TRIM33: variants seen among roughly 807,000 people sequenced by gnomAD.
TRIM33 encodes E3 ubiquitin-protein ligase TRIM33.
A neutral mutation model predicts 125.4 loss-of-function variants in TRIM33; 20 were observed. The observed-to-expected ratio is 0.16, with a 90% CI of 0.11 to 0.23. The LOEUF (loss-of-function observed/expected upper bound fraction) is 0.23, where lower values mean the gene tolerates loss of function less well. TRIM33 is among the 10% of genes least tolerant of loss of function. The pLI, the probability that TRIM33 is intolerant of heterozygous loss-of-function variation, is 1.00. For missense variants in TRIM33, 920 were observed against 1,411.4 expected (o/e 0.65, Z 5.58); for synonymous variants, 564 against 513.9 (o/e 1.10, Z -1.32).
At chr1:114,487,339 C>CAAA (rs35231757) in intron 1 of TRIM33, among the ~76,000 whole-genome samples, 7 of 58,398 alleles carry the variant, frequency 1.2e-4, no homozygotes, top group African/African-American at 1.9e-4. Context: ...CCATGCAGGC[C>CAAA]AAAAAAAAAA....
intron 1 of TRIM33, among the ~76,000 whole-genome samples, chr1:114,503,043 T>TTA (rs145449072): frequency 0.01 from 1,567 of 152,176 alleles, 24 homozygotes; most frequent in African/African-American, 0.036. Context: ...GAAAAGCAGA[T>TTA]TTTAATACCC....
chr1:114,506,360 G>A (rs1316784738), intron 1 of TRIM33, among the ~76,000 whole-genome samples: 1 of 146,764 alleles, frequency 6.8e-6, no homozygotes, highest in Non-Finnish European at 1.5e-5. Flanking sequence ...TCCAGCCTGG[G>A]TGACAAGAGT....
intron 11 of TRIM33, among the ~76,000 whole-genome samples, chr1:114,416,571 G>GA (rs1652956002): frequency 6.6e-6 from 1 of 152,116 alleles, no homozygotes; most frequent in African/African-American, 2.4e-5. Context: ...TCAAGCCATT[G>GA]CATATACCAT....
intron 15 of TRIM33, chr1:114,404,581 A>G: frequency 6.6e-6 from 1 of 152,174 alleles, no homozygotes; most frequent in East Asian, 1.9e-4. Flanking sequence ...TCAAAGTGCC[A>G]ATGCTTTTCT....
chr1:114,447,473 G>T (rs1003015876), intron 4 of TRIM33, among the ~76,000 whole-genome samples: 8 of 152,150 alleles, frequency 5.3e-5, no homozygotes, highest in Non-Finnish European at 7.3e-5. Context: ...ATCAGTAGTT[G>T]AGTTTTGGAA....
At chr1:114,398,702 C>T (rs1334747247) in intron 18 of TRIM33, among the ~76,000 whole-genome samples, 2 of 151,850 alleles carry the variant, frequency 1.3e-5, no homozygotes, top group Non-Finnish European at 2.9e-5. Flanking sequence ...ACCCAAATTA[C>T]ACCAGCAATA....
chr1:114,439,584 T>G (rs745801407), intron 4 of TRIM33, among the ~76,000 whole-genome samples: 1 of 144,902 alleles, frequency 6.9e-6, no homozygotes, highest in Non-Finnish European at 1.5e-5. Flanking sequence ...CATTAATACA[T>G]GTATAATTGG....
At chr1:114,435,743 T>C (rs1274499121) in intron 4 of TRIM33, among the ~76,000 whole-genome samples, 1 of 152,030 alleles carries the variant, frequency 6.6e-6, no homozygotes, top group Non-Finnish European at 1.5e-5. Flanking sequence ...GAACTTTTTT[T>C]TGAGTCAGGG....
intron 17 of TRIM33, 54 bp from the exon 18 acceptor site, chr1:114,399,663 T>G (rs1651751402): frequency 6.9e-7 from 1 of 1,446,550 alleles, no homozygotes; most frequent in Middle Eastern, 1.8e-4. Flanking sequence ...CCAAACTGTT[T>G]AATTTGAAAA....
intron 4 of TRIM33, among the ~76,000 whole-genome samples, chr1:114,455,944 T>C (rs796950866): frequency 6.6e-6 from 1 of 152,194 alleles, no homozygotes; most frequent in South Asian, 2.1e-4. Flanking sequence ...CAGGGGTAGA[T>C]AAGAGACCTT....
rs764358109 is a variant in TRIM33, at chr1:114,421,460, C to T, written c.2037G>A (p.Ser679=). ...PSVTNPENLP[S]LPDIPPIQLE... Reference sequence around the variant, plus strand: ...CCTGTATGGGTGGAATATCTGGCAGCGATGGAAGGTTTTCTGGATTGGTAA... The same window carrying T: ...CCTGTATGGGTGGAATATCTGGCAGTGATGGAAGGTTTTCTGGATTGGTAA... Residue 679 remains serine (S), a synonymous_variant, in exon 11 of 20, where the codon TCG becomes TCA. Coordinates refer to ENST00000358465, the MANE Select transcript of TRIM33 (RefSeq NM_015906.4). 1.9e-5 allele frequency: 31 copies of T among 1,613,992 alleles called. 1 individual carries two copies. The highest frequency in any genetic ancestry group is 8.8e-5 in the South Asian group (8 of 91,070).
chr1:114,483,813 A>G (rs376838326), intron 1 of TRIM33, among the ~76,000 whole-genome samples: 1 of 152,196 alleles, frequency 6.6e-6, no homozygotes, highest in African/African-American at 2.4e-5. Context: ...CAAGAGGCCA[A>G]TATCACCCTG....
rs1162454561 is a variant in TRIM33, at chr1:114,468,833, T to C, written c.527-4445A>G. 1.8e-5 allele frequency: 5 copies of C among 282,028 alleles called. No homozygotes were observed. The East Asian group carries it at 5.4e-4, about 31-fold the overall frequency. The allele number at this position is 282,028 out of a possible 1,614,324, so 17.5% of individuals were successfully genotyped here. Reference sequence around the variant, plus strand: ...CTGCTAGGGCAGTCTCAAATACACATAAGGAGCTACTGAAGCGAGTGTGCA... The same window carrying C: ...CTGCTAGGGCAGTCTCAAATACACACAAGGAGCTACTGAAGCGAGTGTGCA... On this transcript the variant is annotated intron_variant, in intron 1 of 19. Coordinates refer to ENST00000358465, the MANE Select transcript of TRIM33 (RefSeq NM_015906.4).
intron 11 of TRIM33, among the ~76,000 whole-genome samples, chr1:114,414,658 C>T (rs1379155580): frequency 6.6e-6 from 1 of 152,122 alleles, no homozygotes; most frequent in Non-Finnish European, 1.5e-5. Context: ...TAATGCTATA[C>T]AATTTATTAT....
rs1651552071 is a variant in TRIM33 at position 114,396,540 on chromosome 1, G to A, written c.*1108C>T. 1 of 196,338 alleles carries A rather than the reference G, an allele frequency of 5.1e-6. No homozygotes were observed. The highest frequency in any genetic ancestry group is 1.1e-5 in the Non-Finnish European group (1 of 94,300). The allele number at this position is 196,338 out of a possible 1,614,324, so 12.2% of individuals were successfully genotyped here. ...TAAGATAGAACCTCAAAATATGAATGTGAACATTAGAAATAGACAGCATAT... is the reference window on the plus strand; with the variant it reads ...TAAGATAGAACCTCAAAATATGAATATGAACATTAGAAATAGACAGCATAT... On this transcript the variant is annotated 3_prime_UTR_variant, in exon 20 of 20. Coordinates refer to ENST00000358465, the MANE Select transcript of TRIM33 (RefSeq NM_015906.4).
At chr1:114,494,577 T>C (rs1047174683) in intron 1 of TRIM33, among the ~76,000 whole-genome samples, 24 of 152,038 alleles carry the variant, frequency 1.6e-4, no homozygotes, top group Non-Finnish European at 2.9e-5. Context: ...ATGATTGGAA[T>C]ATATAAAGAA....
chr1:114,504,239 A>C (rs901202804), intron 1 of TRIM33, among the ~76,000 whole-genome samples: 2 of 152,022 alleles, frequency 1.3e-5, no homozygotes, highest in African/African-American at 4.8e-5. Flanking sequence ...ATCATGGCTC[A>C]CTGCAGCCTC....
chr1:114,402,622 A>C, intron 16 of TRIM33, 138 bp downstream of exon 16: 2 of 1,018,590 alleles, frequency 2.0e-6, no homozygotes, highest in Non-Finnish European at 2.8e-6. Context: ...TTCAGAAATC[A>C]TCAATATACC....
At chr1:114,405,234 G>T in intron 15 of TRIM33, 176 bp downstream of exon 15, 1 of 579,972 alleles carries the variant, frequency 1.7e-6, no homozygotes, top group Non-Finnish European at 3.0e-6. Flanking sequence ...GTACTACTTA[G>T]ATCTTAGATA....
Sources: gnomAD v4.1 joint callset for allele counts (sites outside exome capture counted in the v4.1 genomes callset) on GRCh38, gnomAD v4.1.1 for gene constraint, MANE v1.5 for transcripts, NCBI Gene and HGNC (gene_info 2026-07-23, HGNC 2026-07-21) for gene names.